The following PRELID2 variants were observed in gnomAD, a reference collection of about 807,000 sequenced individuals.
PRELID2 encodes the protein PRELI domain containing 2.
A neutral mutation model predicts 28.4 loss-of-function variants in PRELID2; 25 were observed. That is an observed-to-expected ratio of 0.88 (90% confidence interval 0.64 to 1.23). The LOEUF is 1.23. Among genes scored for constraint, PRELID2 ranks in the 50% most tolerant of loss-of-function variants. The pLI, the probability that PRELID2 is intolerant of heterozygous loss-of-function variation, is 0.00. For synonymous variants in PRELID2, 76 were observed against 71.6 expected (o/e 1.06, Z -0.31); for missense variants, 201 against 214.4 (o/e 0.94, Z 0.39).
At chr5:145,447,373 T>TAA in the PRELID2 span, among the ~76,000 whole-genome samples, 3 of 151,814 alleles carry the variant, frequency 2.0e-5, no homozygotes, top group African/African-American at 7.2e-5. Context: ...AGATACTGAA[T>TAA]AAAGAGAGAA....
chr5:145,490,590 C>T (rs946359841), intron 1 of PRELID2, among the ~76,000 whole-genome samples: 4 of 151,968 alleles, frequency 2.6e-5, no homozygotes, highest in African/African-American at 7.3e-5. Context: ...TGTGTAAATG[C>T]TAAAGGGAAA....
the PRELID2 span, among the ~76,000 whole-genome samples, chr5:145,414,373 G>A: frequency 6.6e-6 from 1 of 152,068 alleles, no homozygotes; most frequent in Admixed American, 6.6e-5. Flanking sequence ...CCACCACAAC[G>A]AAAGTAACCC....
chr5:145,571,806 C>G (rs1462050385), intron 1 of PRELID2, among the ~76,000 whole-genome samples: 1 of 151,920 alleles, frequency 6.6e-6, no homozygotes, highest in Non-Finnish European at 1.5e-5. Flanking sequence ...ACGGTGAAAC[C>G]CTGTCTCAAC....
chr5:145,782,671 C>G (rs965827339), intron 5 of PRELID2, among the ~76,000 whole-genome samples: 1 of 152,184 alleles, frequency 6.6e-6, no homozygotes, highest in African/African-American at 2.4e-5. Flanking sequence ...TGCTAATTAG[C>G]ATTTTATAAA....
chr5:145,749,731 T>TA (rs2149750118), intron 1 of PRELID2, among the ~76,000 whole-genome samples: 1 of 152,196 alleles, frequency 6.6e-6, no homozygotes, highest in African/African-American at 2.4e-5. Flanking sequence ...CTATCAATGA[T>TA]AGACTGGATA....
intron 1 of PRELID2, among the ~76,000 whole-genome samples, chr5:145,555,448 T>C (rs1396488499): frequency 1.3e-5 from 2 of 152,196 alleles, no homozygotes; most frequent in African/African-American, 4.8e-5. Flanking sequence ...CTTCAAACAA[T>C]GTCAATACGT....
At chr5:145,510,821 T>C (rs565910646) in intron 1 of PRELID2, among the ~76,000 whole-genome samples, 4 of 152,348 alleles carry the variant, frequency 2.6e-5, no homozygotes, top group Admixed American at 1.3e-4. Flanking sequence ...AGCCTGAGGT[T>C]GTAGCTGCCT....
intron 1 of PRELID2, among the ~76,000 whole-genome samples, chr5:145,543,383 G>A (rs1208327377): frequency 4.0e-5 from 6 of 151,754 alleles, no homozygotes; most frequent in Non-Finnish European, 8.8e-5. Context: ...GTTCTATATG[G>A]GCCTAAGAGA....
chr5:145,807,972 G>T (rs1753633802), intron 4 of PRELID2, among the ~76,000 whole-genome samples: 1 of 152,070 alleles, frequency 6.6e-6, no homozygotes, highest in Non-Finnish European at 1.5e-5. Context: ...CTTTTGGAGG[G>T]CAGTCTTATT....
At chr5:145,568,066 G>A (rs145974208) in intron 1 of PRELID2, among the ~76,000 whole-genome samples, 1 of 152,158 alleles carries the variant, frequency 6.6e-6, no homozygotes, top group East Asian at 1.9e-4. Flanking sequence ...TGGCAGAAAG[G>A]AGAAGCACAG....
the PRELID2 span, among the ~76,000 whole-genome samples, chr5:145,310,172 G>A: frequency 6.6e-6 from 1 of 152,140 alleles, no homozygotes; most frequent in Non-Finnish European, 1.5e-5. Context: ...AGGGTATCAG[G>A]CACATATGGA....
the PRELID2 span, among the ~76,000 whole-genome samples, chr5:145,275,317 T>C: frequency 6.6e-6 from 1 of 152,066 alleles, no homozygotes; most frequent in South Asian, 2.1e-4. Flanking sequence ...GGATTGTATA[T>C]AAACACATTA....
chr5:145,350,743 G>T, the PRELID2 span, among the ~76,000 whole-genome samples: 2 of 152,130 alleles, frequency 1.3e-5, no homozygotes, highest in South Asian at 4.1e-4. Flanking sequence ...TGATTCAGGG[G>T]CTGGACTCCT....
At chr5:145,784,158 C>G (rs1751832175) in intron 5 of PRELID2, among the ~76,000 whole-genome samples, 1 of 151,032 alleles carries the variant, frequency 6.6e-6, no homozygotes, top group African/African-American at 2.4e-5. Context: ...GTGGTGCACA[C>G]CTGTAGTCTC....
the PRELID2 span, among the ~76,000 whole-genome samples, chr5:145,350,022 T>C: frequency 5.9e-5 from 9 of 152,250 alleles, no homozygotes; most frequent in Admixed American, 3.3e-4. Context: ...ATAAAATAAA[T>C]AGTGCCCTGG....
chr5:145,479,925 T>G (rs549047689), intron 1 of PRELID2, among the ~76,000 whole-genome samples: 2 of 152,326 alleles, frequency 1.3e-5, no homozygotes, highest in South Asian at 4.1e-4. Flanking sequence ...TCATAGCTAA[T>G]GGATATCTAC....
chr5:145,406,222 G>A, the PRELID2 span, among the ~76,000 whole-genome samples: 1 of 152,108 alleles, frequency 6.6e-6, no homozygotes, highest in African/African-American at 2.4e-5. Context: ...TCATATAAAG[G>A]AAAGATAAAC....
chr5:145,717,812 C>T (rs1001217923), intron 1 of PRELID2, among the ~76,000 whole-genome samples: 3 of 151,688 alleles, frequency 2.0e-5, no homozygotes, highest in African/African-American at 7.2e-5. Flanking sequence ...GTGCTAAGAT[C>T]AATACTATCA....
chr5:145,398,619 C>T, the PRELID2 span, among the ~76,000 whole-genome samples: 2 of 152,000 alleles, frequency 1.3e-5, no homozygotes, highest in African/African-American at 4.8e-5. Flanking sequence ...CATATACTTA[C>T]TCTGTTTCTA....
Sources: allele counts gnomAD v4.1 joint callset (sites outside exome capture counted in the v4.1 genomes callset), GRCh38; gene constraint gnomAD v4.1.1; transcripts MANE v1.5; gene names NCBI Gene and HGNC (gene_info 2026-07-23, HGNC 2026-07-21).